Variants in IQSEC1 observed in about 807,000 individuals in gnomAD.
The protein encoded by IQSEC1 is IQ motif and SEC7 domain-containing protein 1.
Under a neutral mutation model 91.0 loss-of-function variants are expected in IQSEC1, and 31 were observed. The observed-to-expected ratio is 0.34, with a 90% CI of 0.26 to 0.46. IQSEC1 has a LOEUF of 0.46. Ranked by LOEUF, IQSEC1 falls within the 20% of genes least tolerant of loss-of-function variation. IQSEC1 has a pLI of 1.00. For missense variants in IQSEC1, 1,388 were observed against 1,575.6 expected, an observed-to-expected ratio of 0.88 and a Z score of 2.02; for synonymous variants, 699 against 662.6, an observed-to-expected ratio of 1.05 and a Z score of -0.84.
intron 1 of IQSEC1, among the ~76,000 whole-genome samples, chr3:13,215,170 A>G (rs575645652): frequency 7.2e-5 from 11 of 152,248 alleles, no homozygotes; most frequent in Non-Finnish European, 1.6e-4. Flanking sequence ...AGACAGGAGC[A>G]TGGAGGAAAA....
chr3:13,096,948 C>T (rs959242924), intron 2 of IQSEC1, among the ~76,000 whole-genome samples: 1 of 151,874 alleles, frequency 6.6e-6, no homozygotes, highest in South Asian at 2.1e-4. Context: ...GCAAGCTCCA[C>T]CTCCAGGGTT....
chr3:12,993,461 G>A (rs1439454463), intron 1 of IQSEC1, among the ~76,000 whole-genome samples: 2 of 152,036 alleles, frequency 1.3e-5, no homozygotes, highest in African/African-American at 4.8e-5. Flanking sequence ...AGCAGCGGTG[G>A]TGGAGGCGGG....
intron 1 of IQSEC1, among the ~76,000 whole-genome samples, chr3:13,265,891 A>T (rs1367478629): frequency 4.9e-5 from 1 of 20,414 alleles, no homozygotes; most frequent in African/African-American, 1.4e-4. Flanking sequence ...ACGGGCATTT[A>T]AAAAAAAAAA....
At chr3:13,125,126 C>T (rs1261949547) in intron 2 of IQSEC1, among the ~76,000 whole-genome samples, 1 of 152,178 alleles carries the variant, frequency 6.6e-6, no homozygotes, top group African/African-American at 2.4e-5. Flanking sequence ...TTTCTGCCAC[C>T]CCTCACCCTT....
Position 12,935,435 on chromosome 3 carries a change from C to T in IQSEC1, c.1568+13G>A, listed in dbSNP as rs572066501. 1.2e-6 allele frequency: 2 copies of T among 1,600,320 alleles called. No individual in the cohort carries two copies. Among genetic ancestry groups the T allele is most frequent in the Non-Finnish European group, 1.7e-6 (2 of 1,170,340 alleles). On this transcript the variant is annotated intron_variant, in intron 3 of 13. Coordinates refer to ENST00000613206, the MANE Select transcript of IQSEC1 (RefSeq NM_001134382.3). The surrounding 1 kb of genome is among the most constrained non-coding windows in gnomAD (Gnocchi z 8.0). Reference sequence around the variant, plus strand: ...ACAGCTGCCCACCCTGAGGGGTCACCCATGGTACTCACTTGTTGAAGAGGT... The same window carrying T: ...ACAGCTGCCCACCCTGAGGGGTCACTCATGGTACTCACTTGTTGAAGAGGT...
chr3:12,902,279 T>TCC (rs1228363869), intron 13 of IQSEC1, among the ~76,000 whole-genome samples: 1 of 152,056 alleles, frequency 6.6e-6, no homozygotes, highest in Admixed American at 6.5e-5. Flanking sequence ...TTCCATGGTG[T>TCC]CCTGCCGCAG....
intron 2 of IQSEC1, among the ~76,000 whole-genome samples, chr3:13,116,095 G>T (rs1359476987): frequency 6.6e-6 from 1 of 152,204 alleles, no homozygotes; most frequent in East Asian, 1.9e-4. Flanking sequence ...TAACCTTGTT[G>T]CTACTTTATC....
At chr3:13,053,512 T>A (rs189341977) in intron 1 of IQSEC1, among the ~76,000 whole-genome samples, 6 of 152,350 alleles carry the variant, frequency 3.9e-5, no homozygotes, top group Admixed American at 3.3e-4. Context: ...ACCTTGTGTG[T>A]TCCTGAGACG....
chr3:13,073,725 A>T (rs890499638), upstream of IQSEC1, among the ~76,000 whole-genome samples: 8 of 152,194 alleles, frequency 5.3e-5, no homozygotes, highest in Non-Finnish European at 7.4e-5. Context: ...GCACTGAGAC[A>T]CGCGAGCCGC....
intron 1 of IQSEC1, among the ~76,000 whole-genome samples, chr3:13,050,762 G>A (rs1369933033): frequency 6.6e-6 from 1 of 152,182 alleles, no homozygotes; most frequent in Non-Finnish European, 1.5e-5. Context: ...CAAGAACAGA[G>A]TCGGCATTCC....
At chr3:13,228,664 C>A (rs1270881544) in intron 1 of IQSEC1, among the ~76,000 whole-genome samples, 1 of 152,170 alleles carries the variant, frequency 6.6e-6, no homozygotes, top group Non-Finnish European at 1.5e-5. Context: ...CAGGATCTGG[C>A]CCTGCTCACT....
intron 1 of IQSEC1, among the ~76,000 whole-genome samples, chr3:13,250,351 C>T (rs143765454): frequency 9.9e-5 from 15 of 151,898 alleles, no homozygotes; most frequent in Non-Finnish European, 1.3e-4. Context: ...GTGCAATAGC[C>T]GCGGGACCAG....
intron 1 of IQSEC1, among the ~76,000 whole-genome samples, chr3:12,948,686 A>AC (rs1699342166): frequency 6.6e-6 from 1 of 152,184 alleles, no homozygotes; most frequent in South Asian, 2.1e-4. Flanking sequence ...GAAAGCAGTG[A>AC]CCCACTGTTC....
intron 1 of IQSEC1, among the ~76,000 whole-genome samples, chr3:12,975,933 C>T (rs1169037146): frequency 6.6e-6 from 1 of 152,214 alleles, no homozygotes; most frequent in Non-Finnish European, 1.5e-5. Context: ...ACCAAAGCAA[C>T]CTTGGCATCT....
At chr3:12,993,224 C>G (rs1271355702) in intron 1 of IQSEC1, among the ~76,000 whole-genome samples, 2 of 152,198 alleles carry the variant, frequency 1.3e-5, no homozygotes, top group Non-Finnish European at 2.9e-5. Context: ...GACTGAGAAC[C>G]AGTCTCTTCC....
At chr3:12,987,173 C>T in intron 1 of IQSEC1, 3 of 235,228 alleles carry the variant, frequency 1.3e-5, no homozygotes, top group East Asian at 1.7e-4. Context: ...CGTGACACTG[C>T]AGCCCCACAG....
intron 1 of IQSEC1, among the ~76,000 whole-genome samples, chr3:13,192,089 A>G (rs1460150780): frequency 6.6e-6 from 1 of 152,160 alleles, no homozygotes; most frequent in Admixed American, 6.5e-5. Context: ...TAATCCCAGC[A>G]CTTTGGGAGG....
intron 1 of IQSEC1, among the ~76,000 whole-genome samples, chr3:13,263,711 G>C (rs1172113741): frequency 6.6e-6 from 1 of 152,166 alleles, no homozygotes; most frequent in African/African-American, 2.4e-5. Context: ...AAAGTGCTGG[G>C]ATTACAGGCT....
intron 1 of IQSEC1, chr3:13,042,404 C>T (rs113070319): frequency 6.6e-6 from 1 of 152,226 alleles, no homozygotes; most frequent in Non-Finnish European, 1.5e-5. Context: ...GTAACGTCTC[C>T]GCGGAGACAC....
Sources: gnomAD v4.1 joint callset for allele counts (sites outside exome capture counted in the v4.1 genomes callset) on GRCh38, gnomAD v4.1.1 for gene constraint, Gnocchi (gnomAD v3.1) non-coding constraint, MANE v1.5 for transcripts, NCBI Gene and HGNC (gene_info 2026-07-23, HGNC 2026-07-21) for gene names.